The following PRKD3 variants were observed in gnomAD, a reference collection of about 807,000 sequenced individuals.
The protein encoded by PRKD3 is protein kinase D3, also known as serine/threonine-protein kinase D3.
PRKD3 carries 47 observed loss-of-function variants against 99.2 expected under a neutral mutation model. The ratio of observed to expected loss-of-function variants is 0.47; its 90% CI spans 0.38 to 0.60. PRKD3 has a LOEUF of 0.60. PRKD3 is among the 20% of genes least tolerant of loss of function. PRKD3 has a pLI of 0.00. For synonymous variants in PRKD3, 392 were observed against 355.4 expected (o/e 1.10, Z -1.16); for missense variants, 1,019 against 1,088.4 (o/e 0.94, Z 0.90).
At position 37,293,549 on chromosome 2, in the gene PRKD3, T is replaced by C. The variant is rs568079573; in HGVS notation, c.289-278A>G. Reference sequence around the variant, plus strand: ...CAGGATTTCTATATTCAGTTACTGATGGAGAATATAATCTTAAACTTACTG... The same window carrying C: ...CAGGATTTCTATATTCAGTTACTGACGGAGAATATAATCTTAAACTTACTG... On this transcript the variant is annotated intron_variant, in intron 2 of 18. Coordinates refer to ENST00000234179, the MANE Select transcript of PRKD3 (RefSeq NM_005813.6). Among the ~76,000 whole-genome samples the C allele has an allele frequency of 5.9e-5, 9 of 152,346 alleles. No individual in the cohort carries two copies. The East Asian group carries it at 9.6e-4, about 16-fold the overall frequency.
intron 10 of PRKD3, 61 bp from the exon 11 acceptor site, chr2:37,274,758 C>T: frequency 6.9e-7 from 1 of 1,453,650 alleles, no homozygotes; most frequent in Admixed American, 1.9e-5. Context: ...TTTTTAAATA[C>T]ACTAAAGAAC....
In PRKD3 at chr2:37,290,889, G is replaced by C; in HGVS notation, c.538C>G (p.Arg180Gly). The stretch of plus-strand genomic sequence containing the variant: ...ACACCTTCACATTTCAGTCCTTGAC[G>C]TACCAATCCCCAGAGCATCTCACCA... ...YCGEMLWGLV[R>G]QGLKCEGCGL... is the part of the protein sequence containing the mutation. Residue 180 changes from arginine to glycine, a missense_variant, in exon 4 of 19, where the codon CGT becomes GGT. Arg to Gly is a moderately radical substitution (Grantham distance 125). Coordinates refer to ENST00000234179, the MANE Select transcript of PRKD3 (RefSeq NM_005813.6). The C allele has an allele frequency of 6.2e-7, 1 of 1,604,950 alleles. No individual in the cohort carries two copies.
At chr2:37,306,139 C>A (rs2124880592) in intron 2 of PRKD3, among the ~76,000 whole-genome samples, 1 of 151,026 alleles carries the variant, frequency 6.6e-6, no homozygotes, top group African/African-American at 2.4e-5. Context: ...AAAATCCAAG[C>A]ATGAACAATC....
At chr2:37,289,924 C>G (rs1402941501) in intron 4 of PRKD3, among the ~76,000 whole-genome samples, 1 of 152,196 alleles carries the variant, frequency 6.6e-6, no homozygotes, top group Non-Finnish European at 1.5e-5. Flanking sequence ...CAAATTCCTC[C>G]TGTGACATGA....
Position 37,260,248 on chromosome 2 carries a change from C to T in PRKD3, c.2021G>A (p.Arg674Gln), listed in dbSNP as rs774415395. 21 of 1,610,708 alleles carry T rather than the reference C, an allele frequency of 1.3e-5. No individual in the cohort carries two copies. The highest frequency in any genetic ancestry group is 4.5e-5 in the East Asian group (2 of 44,828). Residue 674 changes from arginine (R) to glutamine (Q), a missense_variant, in exon 15 of 19, where the codon CGA (arginine) becomes CAA (glutamine). Arg to Gln is a conservative substitution (Grantham distance 43). Coordinates refer to ENST00000234179, the MANE Select transcript of PRKD3 (RefSeq NM_005813.6). ...CTGTGTGACCATGAATTTAGTAATTCGTTCTGGAAGCCGACTTTTCTCACT... is the reference window on the plus strand; with the variant it reads ...CTGTGTGACCATGAATTTAGTAATTTGTTCTGGAAGCCGACTTTTCTCACT... ...LSSEKSRLPE[R>Q]ITKFMVTQIL...
intron 2 of PRKD3, among the ~76,000 whole-genome samples, chr2:37,306,998 T>C (rs1280697440): frequency 6.6e-6 from 1 of 152,216 alleles, no homozygotes; most frequent in Non-Finnish European, 1.5e-5. Flanking sequence ...ACTCCATCAG[T>C]TTAACCCAGG....
In PRKD3 at chr2:37,253,268, C is replaced by A; in HGVS notation, c.2582G>T (p.Arg861Leu). The change falls in exon 19 of 19, where the codon CGC becomes CTC. Residue 861 changes from arginine (R) to leucine (L), a missense_variant. Around this residue, in one of 3 missense-constraint regions of PRKD3, gnomAD observed 125 missense variants for 120.6 expected, o/e 1.04. Coordinates refer to ENST00000234179, the MANE Select transcript of PRKD3 (RefSeq NM_005813.6). ...ATGTGTGTATGCATGTATTTCCCAG[C>A]GAGCATCATCACTTTCATGTGTAAT... ...RYITHESDDA[R>L]WEIHAYTHNL... The A allele has an allele frequency of 6.2e-7, 1 of 1,612,830 alleles. No individual in the cohort carries two copies. The highest frequency in any genetic ancestry group is 8.5e-7 in the Non-Finnish European group (1 of 1,179,004).
intron 7 of PRKD3, among the ~76,000 whole-genome samples, chr2:37,280,665 G>A (rs1051654380): frequency 2.6e-5 from 4 of 152,122 alleles, no homozygotes; most frequent in Non-Finnish European, 5.9e-5. Flanking sequence ...AAACTCATAG[G>A]AGAAAGCATG....
chr2:37,293,423 C>G, intron 2 of PRKD3, 152 bp from the exon 3 acceptor site: 1 of 639,402 alleles, frequency 1.6e-6, no homozygotes, highest in Non-Finnish European at 2.3e-6. Flanking sequence ...GATCCACGTA[C>G]TCAAGCATCC....
intron 1 of PRKD3, 21 bp from the exon 2 acceptor site, chr2:37,317,200 G>A: frequency 1.1e-6 from 1 of 887,486 alleles, no homozygotes; most frequent in Non-Finnish European, 1.3e-6. Flanking sequence ...ATTTTTTAAA[G>A]GTTTTTAATA....
At chr2:37,301,166 A>T (rs1346964399) in intron 2 of PRKD3, among the ~76,000 whole-genome samples, 1 of 152,188 alleles carries the variant, frequency 6.6e-6, no homozygotes, top group Non-Finnish European at 1.5e-5. Context: ...CCTCAGAATG[A>T]TCTTCATTAT....
rs144068040 is a variant in PRKD3, at chr2:37,273,154, T to C, written c.1652-722A>G. On this transcript the variant is annotated intron_variant, in intron 11 of 18. Coordinates refer to ENST00000234179, the MANE Select transcript of PRKD3 (RefSeq NM_005813.6). ...TTTTATAATTTTATAATGTTGTTTT[T>C]TGGTACTTTAATACATTTATTGCCT... is the stretch of plus-strand genomic sequence containing the variant. 2.1e-3 allele frequency among the ~76,000 whole-genome samples: 315 copies of C among 152,358 alleles called. 1 individual carries two copies. The highest frequency in any genetic ancestry group is 6.9e-3 in the African/African-American group (287 of 41,576).
chr2:37,277,921 C>G lies in PRKD3; in HGVS notation c.1241G>C (p.Ser414Thr). 3 of 1,613,608 alleles carry G rather than the reference C, an allele frequency of 1.9e-6. No individual in the cohort carries two copies. The highest frequency in any genetic ancestry group is 2.5e-6 in the Non-Finnish European group (3 of 1,179,636). The stretch of plus-strand genomic sequence containing the variant: ...CCACCCTTCCTTCACCATTGTGCTG[C>G]TCTTCCTCTTTGTGTGCTTGATGGA... ...VQSIKHTKRK[S>T]STMVKEGWMV... The change falls in exon 9 of 19, where the codon AGC becomes ACC. Residue 414 changes from serine to threonine, a missense_variant. Ser to Thr is a moderately conservative substitution (Grantham distance 58). Around this residue, in one of 3 missense-constraint regions of PRKD3, gnomAD observed 710 missense variants for 692.7 expected, o/e 1.02. Transcript: ENST00000234179.
rs563708074 is a variant in PRKD3, at chr2:37,290,527, C to T, written c.559+341G>A. Among the ~76,000 whole-genome samples, 39 of 152,270 alleles carry T rather than the reference C, an allele frequency of 2.6e-4. 1 individual carries two copies. In the South Asian group the frequency reaches 7.5e-3, roughly 29 times the overall value. ...AGGATTACAGGTGTGAGCCACCGTG[C>T]CTGGCCAAGAAAACTTTTAAAAACA... On this transcript the variant is annotated intron_variant, in intron 4 of 18. Coordinates refer to ENST00000234179, the MANE Select transcript of PRKD3 (RefSeq NM_005813.6).
intron 2 of PRKD3, among the ~76,000 whole-genome samples, chr2:37,311,637 T>C (rs1671429652): frequency 1.3e-5 from 2 of 152,218 alleles, no homozygotes; most frequent in South Asian, 4.1e-4. Flanking sequence ...CTCTCTGAAA[T>C]TTTTAATTTT....
At chr2:37,315,870 G>A (rs957007101) in intron 2 of PRKD3, among the ~76,000 whole-genome samples, 2 of 152,128 alleles carry the variant, frequency 1.3e-5, no homozygotes, top group South Asian at 4.1e-4. Context: ...GACTACAGGT[G>A]CCTGCCACCA....
chr2:37,260,618 T>TA (rs1308216853), intron 14 of PRKD3, among the ~76,000 whole-genome samples: 1 of 152,216 alleles, frequency 6.6e-6, no homozygotes, highest in African/African-American at 2.4e-5. Flanking sequence ...TTTGATTATA[T>TA]AATCACTCTT....
intron 10 of PRKD3, 92 bp downstream of exon 10, chr2:37,275,675 A>G: frequency 1.5e-6 from 2 of 1,351,836 alleles, no homozygotes; most frequent in East Asian, 2.6e-5. Context: ...AGCTAGAGTC[A>G]TATATATTCA....
intron 9 of PRKD3, among the ~76,000 whole-genome samples, chr2:37,276,652 T>C (rs141600887): frequency 4.6e-5 from 7 of 152,072 alleles, no homozygotes; most frequent in Non-Finnish European, 1.0e-4. Flanking sequence ...TTTAATGAGA[T>C]TGAATTTATT....
Sources: allele counts gnomAD v4.1 joint callset (sites outside exome capture counted in the v4.1 genomes callset), GRCh38; gene constraint gnomAD v4.1.1; regional missense constraint gnomAD v4.1.1; transcripts MANE v1.5; gene names NCBI Gene and HGNC (gene_info 2026-07-23, HGNC 2026-07-21).